The following SLCO3A1 variants were observed in gnomAD, a reference collection of about 807,000 sequenced individuals.
SLCO3A1 encodes the protein PGE1 transporter.
SLCO3A1 carries 27 observed loss-of-function variants against 63.1 expected under a neutral mutation model. The ratio of observed to expected loss-of-function variants is 0.43; its 90% CI spans 0.32 to 0.59. The LOEUF is 0.59. SLCO3A1 is among the 20% of genes least tolerant of loss of function. The pLI is 0.09. For missense variants in SLCO3A1, 773 were observed against 945.8 expected (o/e 0.82, Z 2.40); for synonymous variants, 473 against 409.9 (o/e 1.15, Z -1.86).
rs71465723 is a variant in SLCO3A1, at chr15:92,020,224, TAC to T, written c.647-74644_647-74643del. 5.8e-3 allele frequency among the ~76,000 whole-genome samples: 831 copies of T among 142,062 alleles called. 6 individuals carry two copies. Among genetic ancestry groups the T allele is most frequent in the African/African-American group, 0.02 (760 of 37,314 alleles). 93.2% of individuals were successfully genotyped at this position (142,062 alleles called of 152,430 possible). A position where few individuals can be genotyped will look rare whatever the true frequency, so the allele number is the denominator to read the frequency against. ...TATATATACACACACACACTATATA[TAC>T]ACACACACACACTATATATATATGT... On this transcript the variant is annotated intron_variant, in intron 2 of 9. Coordinates refer to ENST00000318445, the MANE Select transcript of SLCO3A1 (RefSeq NM_013272.4).
At position 91,927,678 on chromosome 15, in the gene SLCO3A1, A is replaced by T. The variant is rs1205350654; in HGVS notation, c.646+11220A>T. Among the ~76,000 whole-genome samples the T allele has an allele frequency of 2.0e-5, 3 of 152,166 alleles. No homozygotes were observed. In the East Asian group the frequency reaches 5.8e-4, roughly 29 times the overall value. On this transcript the variant is annotated intron_variant, in intron 2 of 9. Coordinates refer to ENST00000318445, the MANE Select transcript of SLCO3A1 (RefSeq NM_013272.4). ...GTAATGTTCCAAGCAAGTGGGGCCAATGGGTGTGATTTCTCCCTGCTTCCC... is the reference window on the plus strand; with the variant it reads ...GTAATGTTCCAAGCAAGTGGGGCCATTGGGTGTGATTTCTCCCTGCTTCCC...
intron 2 of SLCO3A1, among the ~76,000 whole-genome samples, chr15:92,054,880 C>T (rs1441173903): frequency 1.3e-5 from 2 of 152,022 alleles, no homozygotes; most frequent in Non-Finnish European, 2.9e-5. Context: ...ATTCCATGTT[C>T]TTGGTATTAT....
Position 91,941,480 on chromosome 15 carries a change from A to G in SLCO3A1, c.646+25022A>G, listed in dbSNP as rs1317494010. On this transcript the variant is annotated intron_variant, in intron 2 of 9. Coordinates refer to ENST00000318445, the MANE Select transcript of SLCO3A1 (RefSeq NM_013272.4). The surrounding 1 kb of genome is among the most constrained non-coding windows in gnomAD (Gnocchi z 4.4). ...TGGCCTTAGGGAAGGACAAACTTCAACTCTGAGCCTTGATTGAGTGACCTT... is the reference window on the plus strand; with the variant it reads ...TGGCCTTAGGGAAGGACAAACTTCAGCTCTGAGCCTTGATTGAGTGACCTT... The G allele has an allele frequency of 1.8e-5, 8 of 452,872 alleles. No individual in the cohort carries two copies. The highest frequency in any genetic ancestry group is 3.1e-5 in the Non-Finnish European group (7 of 225,896). 28.1% of individuals were successfully genotyped at this position (452,872 alleles called of 1,614,324 possible). A position where few individuals can be genotyped will look rare whatever the true frequency, so the allele number is the denominator to read the frequency against.
At chr15:91,957,562 C>G (rs546894971) in intron 2 of SLCO3A1, among the ~76,000 whole-genome samples, 1 of 152,196 alleles carries the variant, frequency 6.6e-6, no homozygotes, top group Admixed American at 6.6e-5. Flanking sequence ...CACCTCAGGG[C>G]CTTTACATTT....
chr15:92,049,856 C>T (rs767787890), intron 2 of SLCO3A1, among the ~76,000 whole-genome samples: 2 of 152,128 alleles, frequency 1.3e-5, no homozygotes, highest in African/African-American at 2.4e-5. Context: ...AAAGAAGACT[C>T]GACAGCTTTG....
rs200534270 is a variant in SLCO3A1 at position 92,058,052 on chromosome 15, C to T, written c.647-36829C>T. 8.5e-5 allele frequency among the ~76,000 whole-genome samples: 13 copies of T among 152,304 alleles called. No individual in the cohort carries two copies. In the East Asian group the frequency reaches 2.5e-3, roughly 29 times the overall value. On this transcript the variant is annotated intron_variant, in intron 2 of 9. Transcript: ENST00000318445. Reference sequence around the variant, plus strand: ...AAGTGGTGTGACTTGCCCGTGGTCACACAGCGGGTAAGGGGTCAGCTGAAT... The same window carrying T: ...AAGTGGTGTGACTTGCCCGTGGTCATACAGCGGGTAAGGGGTCAGCTGAAT...
chr15:91,941,053 T>G lies in SLCO3A1; in HGVS notation c.646+24595T>G, dbSNP rs1362504180. Among the ~76,000 whole-genome samples the G allele has an allele frequency of 6.6e-6, 1 of 152,138 alleles. No homozygotes were observed. The highest frequency in any genetic ancestry group is 1.5e-5 in the Non-Finnish European group (1 of 68,032). On this transcript the variant is annotated intron_variant, in intron 2 of 9. Transcript: ENST00000318445. This position sits in a 1 kb window ranked among gnomAD's most constrained non-coding sequence, Gnocchi z 4.4. ...GAGTGGGTGGAAAGGAAATCACCCT[T>G]TAAAATTTATGACCATTTTCTCTGA...
intron 2 of SLCO3A1, among the ~76,000 whole-genome samples, chr15:91,960,129 G>A (rs148495694): frequency 0.012 from 1,765 of 152,184 alleles, 20 homozygotes; most frequent in Middle Eastern, 0.071. Context: ...GACTATAGGC[G>A]CGTGCCACCA....
intron 2 of SLCO3A1, among the ~76,000 whole-genome samples, chr15:92,045,506 T>C (rs2046850459): frequency 6.6e-6 from 1 of 152,220 alleles, no homozygotes; most frequent in African/African-American, 2.4e-5. Context: ...GTAACCACTA[T>C]AATATGAAAT....
At position 92,104,274 on chromosome 15, in the gene SLCO3A1, T is replaced by C; in HGVS notation, c.746-5T>C. 3.1e-6 allele frequency: 5 copies of C among 1,614,050 alleles called. No homozygotes were observed. Among genetic ancestry groups the C allele is most frequent in the Non-Finnish European group, 4.2e-6 (5 of 1,180,008 alleles). On this transcript the variant is annotated splice_polypyrimidine_tract_variant and splice_region_variant and intron_variant, in intron 3 of 9. Transcript: ENST00000318445. ...TCCACTAAGCTGTGCTCTTTCCATT[T>C]ACAGGTAACCTGGACATCACTCCGG... is the stretch of plus-strand genomic sequence containing the variant.
chr15:91,967,119 G>A lies in SLCO3A1; in HGVS notation c.646+50661G>A, dbSNP rs1900688239. ...TCCAGAAGAGTTAGGCTCTAAAGAAGTTTTGAAATACCTCATTCTATTTGT... is the reference window on the plus strand; with the variant it reads ...TCCAGAAGAGTTAGGCTCTAAAGAAATTTTGAAATACCTCATTCTATTTGT... On this transcript the variant is annotated intron_variant, in intron 2 of 9. Transcript: ENST00000318445. The surrounding 1 kb of genome is among the most constrained non-coding windows in gnomAD (Gnocchi z 4.4). Among the ~76,000 whole-genome samples the A allele has an allele frequency of 6.6e-6, 1 of 152,058 alleles. No homozygotes were observed. The highest frequency in any genetic ancestry group is 2.4e-5 in the African/African-American group (1 of 41,402).
chr15:91,899,117 C>T (rs1207682958), intron 1 of SLCO3A1, among the ~76,000 whole-genome samples: 1 of 152,164 alleles, frequency 6.6e-6, no homozygotes, highest in Non-Finnish European at 1.5e-5. Context: ...TTCAACATAC[C>T]AACTCCTGGG....
chr15:92,031,056 G>A (rs28725287), intron 2 of SLCO3A1, among the ~76,000 whole-genome samples: 32 of 151,954 alleles, frequency 2.1e-4, no homozygotes, highest in African/African-American at 7.7e-4. Flanking sequence ...AGGGGAGGAT[G>A]TTTCATCAAT....
In SLCO3A1 at chr15:92,164,984, T is replaced by G. The variant is rs1420987680; in HGVS notation, c.*1849T>G. ...ACTCAAAGGTTGATTGGTTTGCTTT[T>G]TCACCTTGGACACATTTGCATTTTA... On this transcript the variant is annotated 3_prime_UTR_variant, in exon 10 of 10. Transcript: ENST00000318445. The G allele has an allele frequency of 2.0e-6, 2 of 985,274 alleles. No homozygotes were observed. Among genetic ancestry groups the G allele is most frequent in the Non-Finnish European group, 2.4e-6 (2 of 829,938 alleles). 61.0% of individuals were successfully genotyped at this position (985,274 alleles called of 1,614,324 possible).
In SLCO3A1 at chr15:91,967,463, A is replaced by C. The variant is rs559520234; in HGVS notation, c.646+51005A>C. Among the ~76,000 whole-genome samples the C allele has an allele frequency of 6.6e-6, 1 of 152,340 alleles. No homozygotes were observed. The highest frequency in any genetic ancestry group is 2.4e-5 in the African/African-American group (1 of 41,572). ...CCTCTGGTTATGCTTTTCTTTGGCT[A>C]ATAGTATCATTTGTCTCCCCACCTC... is the stretch of plus-strand genomic sequence containing the variant. On this transcript the variant is annotated intron_variant, in intron 2 of 9. Transcript: ENST00000318445. This position sits in a 1 kb window ranked among gnomAD's most constrained non-coding sequence, Gnocchi z 4.4.
chr15:91,963,368 G>T (rs1900523426), intron 2 of SLCO3A1, among the ~76,000 whole-genome samples: 1 of 125,002 alleles, frequency 8.0e-6, no homozygotes, highest in South Asian at 2.7e-4. Flanking sequence ...GACCAGGCCT[G>T]CCACAGTTTC....
At chr15:92,126,391 T>C in intron 6 of SLCO3A1, 132 bp downstream of exon 6, 1 of 693,228 alleles carries the variant, frequency 1.4e-6, no homozygotes, top group East Asian at 2.7e-5. Context: ...CTCTGCATCT[T>C]ACTGTCCACG....
intron 2 of SLCO3A1, among the ~76,000 whole-genome samples, chr15:92,001,818 G>A (rs189401290): frequency 0.015 from 2,078 of 140,146 alleles, 51 homozygotes; most frequent in African/African-American, 0.051. Context: ...CATGGAAGTT[G>A]TGTGAGTTCT....
chr15:92,112,406 G>A (rs1224877413), intron 4 of SLCO3A1, among the ~76,000 whole-genome samples: 1 of 152,240 alleles, frequency 6.6e-6, no homozygotes, highest in African/African-American at 2.4e-5. Context: ...TATCTGAGGA[G>A]CCCTTGTTTC....
Sources: gnomAD v4.1 joint callset for allele counts (sites outside exome capture counted in the v4.1 genomes callset) on GRCh38, gnomAD v4.1.1 for gene constraint, Gnocchi (gnomAD v3.1) non-coding constraint, MANE v1.5 for transcripts, NCBI Gene and HGNC (gene_info 2026-07-23, HGNC 2026-07-21) for gene names.